The following RAP1GDS1 variants were observed in gnomAD, a reference collection of about 807,000 sequenced individuals.
RAP1GDS1 encodes the protein RAP1, GTP-GDP dissociation stimulator 1.
A neutral mutation model predicts 71.1 loss-of-function variants in RAP1GDS1; 35 were observed. That is an observed-to-expected ratio of 0.49 (90% confidence interval 0.38 to 0.65). The LOEUF (loss-of-function observed/expected upper bound fraction) is 0.65. Among genes scored for constraint, RAP1GDS1 ranks in the 30% least tolerant of loss-of-function variants. The pLI, the probability that RAP1GDS1 is intolerant of heterozygous loss-of-function variation, is 0.00. For synonymous variants in RAP1GDS1, 229 were observed against 243.1 expected (o/e 0.94, Z 0.54); for missense variants, 663 against 706.1 (o/e 0.94, Z 0.69).
intron 7 of RAP1GDS1, chr4:98,409,698 C>T (rs576984852): frequency 5.0e-5 from 22 of 441,546 alleles, no homozygotes; most frequent in Non-Finnish European, 1.0e-4. Context: ...GAGAAGCGCA[C>T]TTTGTGAGAA....
At chr4:98,364,020 T>C (rs1175112156) in intron 4 of RAP1GDS1, among the ~76,000 whole-genome samples, 1 of 152,138 alleles carries the variant, frequency 6.6e-6, no homozygotes, top group Non-Finnish European at 1.5e-5. Flanking sequence ...TTTTTGTTTC[T>C]GGGTTTTTCC....
intron 12 of RAP1GDS1, among the ~76,000 whole-genome samples, chr4:98,426,786 A>G (rs1749674947): frequency 6.6e-6 from 1 of 152,218 alleles, no homozygotes; most frequent in African/African-American, 2.4e-5. Flanking sequence ...ATTCCACCAG[A>G]CATTCAAAGA....
intron 1 of RAP1GDS1, among the ~76,000 whole-genome samples, chr4:98,269,666 A>G (rs1723178056): frequency 6.6e-6 from 1 of 152,198 alleles, no homozygotes; most frequent in African/African-American, 2.4e-5. Flanking sequence ...CTAATTCAAA[A>G]TCTGAAATGC....
chr4:98,309,496 T>C (rs1328080684), intron 2 of RAP1GDS1, among the ~76,000 whole-genome samples: 1 of 151,594 alleles, frequency 6.6e-6, no homozygotes, highest in Admixed American at 6.6e-5. Flanking sequence ...GTAAAATTGT[T>C]GAAATAGGAA....
At chr4:98,352,684 C>G (rs1406413825) in intron 4 of RAP1GDS1, 83 bp downstream of exon 4, 1 of 1,453,928 alleles carries the variant, frequency 6.9e-7, no homozygotes, top group East Asian at 2.4e-5. Flanking sequence ...TTAGCAGTGA[C>G]TTTTCTAGGC....
At chr4:98,400,550 G>T (rs1237687810) in intron 6 of RAP1GDS1, among the ~76,000 whole-genome samples, 1 of 145,492 alleles carries the variant, frequency 6.9e-6, no homozygotes, top group African/African-American at 2.7e-5. Context: ...AAAAAAAACG[G>T]ATACTAGAGG....
At chr4:98,423,538 T>C (rs544511243) in intron 12 of RAP1GDS1, among the ~76,000 whole-genome samples, 1 of 152,250 alleles carries the variant, frequency 6.6e-6, no homozygotes, top group Admixed American at 6.5e-5. Flanking sequence ...ATTTTTTGTT[T>C]TTTTGTTTTT....
chr4:98,286,368 G>C (rs1726016129), intron 1 of RAP1GDS1, among the ~76,000 whole-genome samples: 1 of 151,352 alleles, frequency 6.6e-6, no homozygotes, highest in Admixed American at 6.6e-5. Context: ...TCTGTGTAGA[G>C]CCTAATCACA....
In RAP1GDS1 at chr4:98,421,251, A is replaced by G. The variant is rs1021353076; in HGVS notation, c.1301-4A>G. On this transcript the variant is annotated splice_polypyrimidine_tract_variant and splice_region_variant and intron_variant, in intron 11 of 14. Coordinates refer to ENST00000408927, the MANE Select transcript of RAP1GDS1 (RefSeq NM_001100427.2). Reference sequence around the variant, plus strand: ...CATTCCTTGGTTTGCCTTCTTTCCTATAGCAGAAGCTGCTGAACAATTGGG... The same window carrying G: ...CATTCCTTGGTTTGCCTTCTTTCCTGTAGCAGAAGCTGCTGAACAATTGGG... The G allele has an allele frequency of 1.5e-5, 24 of 1,602,264 alleles. No individual in the cohort carries two copies. Among genetic ancestry groups the G allele is most frequent in the African/African-American group, 2.7e-5 (2 of 74,554 alleles).
chr4:98,386,068 G>A (rs79655255), intron 5 of RAP1GDS1, among the ~76,000 whole-genome samples: 1 of 150,434 alleles, frequency 6.6e-6, no homozygotes, highest in Non-Finnish European at 1.5e-5. Context: ...AAAAAAAAAA[G>A]ACATTTAACT....
At chr4:98,274,524 G>T (rs1035802726) in intron 1 of RAP1GDS1, among the ~76,000 whole-genome samples, 7 of 152,220 alleles carry the variant, frequency 4.6e-5, no homozygotes, top group African/African-American at 1.4e-4. Context: ...AAATAGCTAT[G>T]CTTTCACAAA....
intron 1 of RAP1GDS1, among the ~76,000 whole-genome samples, chr4:98,273,468 T>C (rs551544350): frequency 3.0e-4 from 45 of 152,280 alleles, no homozygotes; most frequent in Middle Eastern, 3.4e-3. Context: ...CACAATTTAT[T>C]GTGATTAAAA....
At chr4:98,418,977 T>C (rs1172382295) in intron 10 of RAP1GDS1, among the ~76,000 whole-genome samples, 186 bp downstream of exon 10, 2 of 152,260 alleles carry the variant, frequency 1.3e-5, no homozygotes, top group African/African-American at 4.8e-5. Context: ...TTTGTGAGAC[T>C]GTACAAGAAT....
rs760093245 is a variant in RAP1GDS1 at position 98,420,034 on chromosome 4, A to T, written c.1190A>T (p.Lys397Met). Residue 397 changes from lysine to methionine, a missense_variant, in exon 11 of 15, where the codon AAG (lysine) becomes ATG (methionine). Transcript: ENST00000408927. ...NLAIPVINKA[K>M]MLSAGVTEAV... ...TTTTCTCCAGTTATAAATAAAGCAA[A>T]GATGTTATCAGCTGGGGTCACAGAG... 2.5e-6 allele frequency: 4 copies of T among 1,599,662 alleles called. No homozygotes were observed. In the Admixed American group the frequency reaches 6.8e-5, roughly 27 times the overall value.
At chr4:98,410,916 C>T (rs1366165269) in intron 7 of RAP1GDS1, among the ~76,000 whole-genome samples, 1 of 152,072 alleles carries the variant, frequency 6.6e-6, no homozygotes. Context: ...TTATCAGAAA[C>T]AGAAATGCAG....
chr4:98,325,945 T>G (rs1442150714), intron 2 of RAP1GDS1, among the ~76,000 whole-genome samples: 2 of 152,008 alleles, frequency 1.3e-5, no homozygotes, highest in Non-Finnish European at 2.9e-5. Flanking sequence ...TCAGTGTAGT[T>G]GTAGTGCTAG....
intron 2 of RAP1GDS1, among the ~76,000 whole-genome samples, chr4:98,331,092 G>A (rs989462380): frequency 6.6e-6 from 1 of 152,220 alleles, no homozygotes; most frequent in Non-Finnish European, 1.5e-5. Flanking sequence ...GTCAGGAGCT[G>A]GAGACCAGCC....
Position 98,443,219 on chromosome 4 carries a change from C to A in RAP1GDS1, c.*1102C>A, listed in dbSNP as rs1752100579. 8.6e-6 allele frequency: 2 copies of A among 232,116 alleles called. No homozygotes were observed. Among genetic ancestry groups the A allele is most frequent in the Non-Finnish European group, 1.7e-5 (2 of 117,706 alleles). The allele number at this position is 232,116 out of a possible 1,614,324, so 14.4% of individuals were successfully genotyped here. A position where few individuals can be genotyped will look rare whatever the true frequency, so the allele number is the denominator to read the frequency against. ...CAGTCCAGTTCATTCTGCAGATGGC[C>A]CCATACCAATCGCTGTTAGAGTTTG... is the stretch of plus-strand genomic sequence containing the variant. On this transcript the variant is annotated 3_prime_UTR_variant, in exon 15 of 15. Transcript: ENST00000408927.
At chr4:98,331,198 A>T (rs1346068597) in intron 2 of RAP1GDS1, among the ~76,000 whole-genome samples, 1 of 152,170 alleles carries the variant, frequency 6.6e-6, no homozygotes, top group Non-Finnish European at 1.5e-5. Context: ...CGGCAGGCTG[A>T]GGCAGGAGAA....
Sources: gnomAD v4.1 joint callset for allele counts (sites outside exome capture counted in the v4.1 genomes callset) on GRCh38, gnomAD v4.1.1 for gene constraint, MANE v1.5 for transcripts, NCBI Gene and HGNC (gene_info 2026-07-23, HGNC 2026-07-21) for gene names.